Variants in COP1 observed in about 807,000 individuals in gnomAD.
The protein encoded by COP1 is COP1 E3 ubiquitin ligase, also known as E3 ubiquitin-protein ligase COP1.
A neutral mutation model predicts 101.3 loss-of-function variants in COP1; 24 were observed. The observed-to-expected ratio is 0.24, with a 90% confidence interval of 0.17 to 0.33. The LOEUF is 0.33. Among genes scored for constraint, COP1 ranks in the 10% least tolerant of loss-of-function variants. The pLI, the probability that COP1 is intolerant of heterozygous loss-of-function variation, is 1.00. For missense variants in COP1, 663 were observed against 906.2 expected, an observed-to-expected ratio of 0.73 and a Z score of 3.45; for synonymous variants, 347 against 341.9, an observed-to-expected ratio of 1.01 and a Z score of -0.17.
At chr1:175,986,759 T>C (rs1657221273) in intron 18 of COP1, among the ~76,000 whole-genome samples, 184 bp downstream of exon 18, 1 of 152,214 alleles carries the variant, frequency 6.6e-6, no homozygotes, top group Non-Finnish European at 1.5e-5. Flanking sequence ...CACCATGACA[T>C]TGCTCTATTA....
chr1:176,139,760 G>A (rs1690382424), intron 6 of COP1, among the ~76,000 whole-genome samples: 1 of 152,096 alleles, frequency 6.6e-6, no homozygotes, highest in Admixed American at 6.6e-5. Flanking sequence ...GTTAAACACT[G>A]GGTACTCATA....
intron 9 of COP1, among the ~76,000 whole-genome samples, chr1:176,091,351 A>G (rs1221061847): frequency 1.3e-5 from 2 of 151,826 alleles, no homozygotes; most frequent in African/African-American, 4.8e-5. Context: ...GTCTCAAAAA[A>G]AAAAAAACAA....
chr1:176,043,014 G>C (rs13376130), intron 14 of COP1, among the ~76,000 whole-genome samples, 172 bp downstream of exon 14: 3 of 152,138 alleles, frequency 2.0e-5, no homozygotes, highest in Admixed American at 6.5e-5. Flanking sequence ...GGGTGACAGA[G>C]TGAGATTCCA....
intron 11 of COP1, among the ~76,000 whole-genome samples, chr1:176,068,682 T>C (rs1676451880): frequency 6.6e-6 from 1 of 152,236 alleles, no homozygotes; most frequent in Admixed American, 6.5e-5. Context: ...ACTTTATTCA[T>C]TCAAACCAAT....
intron 8 of COP1, among the ~76,000 whole-genome samples, chr1:176,119,384 T>C (rs1686728510): frequency 6.6e-6 from 1 of 152,102 alleles, no homozygotes; most frequent in East Asian, 1.9e-4. Context: ...GCCTAAAAAA[T>C]GAATGATATT....
intron 11 of COP1, among the ~76,000 whole-genome samples, chr1:176,072,651 G>T (rs1677207800): frequency 6.6e-6 from 1 of 152,120 alleles, no homozygotes; most frequent in South Asian, 2.1e-4. Flanking sequence ...GTCTTTTTAA[G>T]TATAAATTTA....
At chr1:176,183,748 A>G (rs998646481) in intron 2 of COP1, among the ~76,000 whole-genome samples, 3 of 152,210 alleles carry the variant, frequency 2.0e-5, no homozygotes, top group Admixed American at 6.5e-5. Context: ...TAGTATATAT[A>G]TACAATGGAG....
intron 11 of COP1, among the ~76,000 whole-genome samples, chr1:176,052,763 A>C (rs562687069): frequency 6.6e-6 from 1 of 152,226 alleles, no homozygotes; most frequent in Admixed American, 6.5e-5. Context: ...TCCTATGCAT[A>C]AACACGCATA....
intron 3 of COP1, among the ~76,000 whole-genome samples, chr1:176,171,913 T>C (rs756047396): frequency 6.6e-6 from 1 of 152,230 alleles, no homozygotes; most frequent in Non-Finnish European, 1.5e-5. Context: ...AGCTTACTTA[T>C]ATATTTTTAA....
At chr1:176,015,483 G>T (rs1166284970) in intron 15 of COP1, among the ~76,000 whole-genome samples, 1 of 152,158 alleles carries the variant, frequency 6.6e-6, no homozygotes, top group Non-Finnish European at 1.5e-5. Context: ...AATTTTTGAG[G>T]GGAAGGCAGG....
At chr1:176,114,685 T>A (rs1685885094) in intron 9 of COP1, among the ~76,000 whole-genome samples, 1 of 151,974 alleles carries the variant, frequency 6.6e-6, no homozygotes, top group South Asian at 2.1e-4. Flanking sequence ...CCTCCTGGGT[T>A]CAAGGTATCC....
intron 9 of COP1, among the ~76,000 whole-genome samples, chr1:176,111,004 T>C (rs1185021643): frequency 6.6e-6 from 1 of 151,838 alleles, no homozygotes; most frequent in Admixed American, 6.6e-5. Flanking sequence ...ATACAAAAAT[T>C]AGCTGGGTGT....
At chr1:176,031,905 T>C (rs1668708204) in intron 14 of COP1, among the ~76,000 whole-genome samples, 1 of 152,204 alleles carries the variant, frequency 6.6e-6, no homozygotes, top group East Asian at 1.9e-4. Flanking sequence ...AGTAGTTTGC[T>C]AAAATTGTTT....
At chr1:176,009,097 A>G (rs1203150298) in intron 15 of COP1, among the ~76,000 whole-genome samples, 1 of 152,174 alleles carries the variant, frequency 6.6e-6, no homozygotes, top group East Asian at 1.9e-4. Context: ...AGCATTCTAC[A>G]GCTAGGTACA....
At chr1:176,192,598 T>A (rs1219261964) in intron 1 of COP1, among the ~76,000 whole-genome samples, 1 of 152,168 alleles carries the variant, frequency 6.6e-6, no homozygotes, top group Non-Finnish European at 1.5e-5. Context: ...TCCAGTAAGA[T>A]GTAATTGCTA....
chr1:176,108,132 C>G (rs1353377712), intron 9 of COP1, among the ~76,000 whole-genome samples: 1 of 151,598 alleles, frequency 6.6e-6, no homozygotes, highest in Non-Finnish European at 1.5e-5. Context: ...TGAGATACAT[C>G]AATTTTTTAA....
intron 1 of COP1, among the ~76,000 whole-genome samples, chr1:176,188,471 T>A (rs1342866753): frequency 6.6e-6 from 1 of 151,984 alleles, no homozygotes; most frequent in Non-Finnish European, 1.5e-5. Context: ...AGAAAAACAA[T>A]CCATTCAGGA....
At chr1:175,970,229 A>T (rs1652965802) in intron 18 of COP1, among the ~76,000 whole-genome samples, 1 of 152,204 alleles carries the variant, frequency 6.6e-6, no homozygotes, top group African/African-American at 2.4e-5. Flanking sequence ...GTGAGAAACC[A>T]GAAACCAAGG....
chr1:176,007,290 T>A (rs933206861), intron 15 of COP1, among the ~76,000 whole-genome samples: 1 of 152,174 alleles, frequency 6.6e-6, no homozygotes, highest in Non-Finnish European at 1.5e-5. Flanking sequence ...TTGGTTTGCA[T>A]GTCCTCCCGT....
Sources: allele counts gnomAD v4.1 joint callset (sites outside exome capture counted in the v4.1 genomes callset), GRCh38; gene constraint gnomAD v4.1.1; transcripts MANE v1.5; gene names NCBI Gene and HGNC (gene_info 2026-07-23, HGNC 2026-07-21).